Variants in SLC9A9 observed in about 807,000 individuals in gnomAD.
SLC9A9 encodes the protein sodium/hydrogen exchanger 9.
In SLC9A9, 62 loss-of-function variants were observed where a neutral mutation model predicts 77.8. The ratio of observed to expected loss-of-function variants is 0.80; its 90% CI spans 0.65 to 0.98. SLC9A9 has a LOEUF of 0.98. Among genes scored for constraint, SLC9A9 ranks in the 50% least tolerant of loss-of-function variants. SLC9A9 has a pLI of 0.00. For missense variants in SLC9A9, 775 were observed against 774.9 expected, an observed-to-expected ratio of 1.00 and a Z score of 0.00; for synonymous variants, 320 against 283.5, an observed-to-expected ratio of 1.13 and a Z score of -1.29.
intron 4 of SLC9A9, among the ~76,000 whole-genome samples, chr3:143,779,055 T>C (rs1425562460): frequency 6.6e-6 from 1 of 152,232 alleles, no homozygotes; most frequent in Non-Finnish European, 1.5e-5. Flanking sequence ...TTCTGGATCT[T>C]GCTCCGGGAT....
At chr3:143,446,483 G>A (rs748551215) in intron 12 of SLC9A9, among the ~76,000 whole-genome samples, 10 of 152,108 alleles carry the variant, frequency 6.6e-5, no homozygotes, top group African/African-American at 1.4e-4. Context: ...AGGGCACTTC[G>A]GGATGATTGA....
intron 6 of SLC9A9, among the ~76,000 whole-genome samples, chr3:143,609,417 A>G (rs1435577445): frequency 2.0e-5 from 3 of 152,220 alleles, no homozygotes; most frequent in Non-Finnish European, 4.4e-5. Context: ...TTTCAATTAC[A>G]TTTAAAAATT....
At chr3:143,584,810 G>T (rs993183083) in intron 6 of SLC9A9, among the ~76,000 whole-genome samples, 5 of 152,130 alleles carry the variant, frequency 3.3e-5, no homozygotes, top group African/African-American at 1.2e-4. Context: ...AAAACTTAGC[G>T]CAGCCCAACT....
chr3:143,723,591 A>G lies in SLC9A9; in HGVS notation c.534-30284T>C, dbSNP rs76933213. On this transcript the variant is annotated intron_variant, in intron 4 of 15. Coordinates refer to ENST00000316549, the MANE Select transcript of SLC9A9 (RefSeq NM_173653.4). ...ATCGAAAATGTGTATTTTCAATAAC[A>G]TTTTCAGCACCGTCAGAGCACTGAT... is the stretch of plus-strand genomic sequence containing the variant. Among the ~76,000 whole-genome samples the G allele has an allele frequency of 6.4e-3, 971 of 152,318 alleles. 10 individuals carry two copies. The highest frequency in any genetic ancestry group is 0.022 in the African/African-American group (923 of 41,566).
At chr3:143,455,450 A>G (rs2035073903) in intron 12 of SLC9A9, among the ~76,000 whole-genome samples, 2 of 152,208 alleles carry the variant, frequency 1.3e-5, no homozygotes, top group Non-Finnish European at 2.9e-5. Flanking sequence ...TATCTACAAA[A>G]TGTCCTCCTG....
chr3:143,782,687 T>C (rs1413133822), intron 4 of SLC9A9, among the ~76,000 whole-genome samples: 1 of 152,220 alleles, frequency 6.6e-6, no homozygotes, highest in Non-Finnish European at 1.5e-5. Flanking sequence ...TTGTTATTTC[T>C]ACTATCTCTT....
Position 143,631,694 on chromosome 3 carries a change from C to T in SLC9A9, c.755+20561G>A, listed in dbSNP as rs963411830. 4.6e-5 allele frequency among the ~76,000 whole-genome samples: 7 copies of T among 152,034 alleles called. 1 individual carries two copies. The highest frequency in any genetic ancestry group is 1.0e-4 in the Non-Finnish European group (7 of 67,992). On this transcript the variant is annotated intron_variant, in intron 6 of 15. Coordinates refer to ENST00000316549, the MANE Select transcript of SLC9A9 (RefSeq NM_173653.4). ...TGCCTGGGTTAAGGGGAGGGATAGCCGCTTCTTAATGCCAGCTTAATTGTT... is the reference window on the plus strand; with the variant it reads ...TGCCTGGGTTAAGGGGAGGGATAGCTGCTTCTTAATGCCAGCTTAATTGTT...
At chr3:143,539,507 A>C (rs542009838) in intron 9 of SLC9A9, among the ~76,000 whole-genome samples, 1 of 152,382 alleles carries the variant, frequency 6.6e-6, no homozygotes, top group African/African-American at 2.4e-5. Flanking sequence ...TGTTTTCTGC[A>C]TTGCATCAAT....
chr3:143,645,629 T>A (rs2038693446), intron 6 of SLC9A9, among the ~76,000 whole-genome samples: 1 of 152,158 alleles, frequency 6.6e-6, no homozygotes, highest in African/African-American at 2.4e-5. Flanking sequence ...TCAAGATACA[T>A]GGGCGGTAAG....
At chr3:143,466,900 G>A in intron 12 of SLC9A9, 137 bp downstream of exon 12, 1 of 1,069,728 alleles carries the variant, frequency 9.3e-7, no homozygotes, top group South Asian at 1.4e-5. Context: ...TTCACCTTAT[G>A]AGTGAAGGTC....
At position 143,266,795 on chromosome 3, in the gene SLC9A9, C is replaced by T. The variant is rs138140704; in HGVS notation, c.1845G>A (p.Thr615=). ...LGLDQKASPQ[T]PGKENIYEGD... Reference sequence around the variant, plus strand: ...CCTCATAAATGTTTTCCTTGCCTGGCGTCTGGGGTGAAGCTTTCTGGTCCA... The same window carrying T: ...CCTCATAAATGTTTTCCTTGCCTGGTGTCTGGGGTGAAGCTTTCTGGTCCA... Residue 615 remains threonine, a synonymous_variant, in exon 16 of 16, where the codon ACG becomes ACA. Coordinates refer to ENST00000316549, the MANE Select transcript of SLC9A9 (RefSeq NM_173653.4). 9 of 1,614,030 alleles carry T rather than the reference C, an allele frequency of 5.6e-6. No homozygotes were observed. The highest frequency in any genetic ancestry group is 1.7e-5 in the Admixed American group (1 of 59,998).
intron 6 of SLC9A9, among the ~76,000 whole-genome samples, chr3:143,642,683 ATG>A (rs1175988931): frequency 4.6e-5 from 7 of 152,138 alleles, no homozygotes; most frequent in African/African-American, 1.7e-4. Flanking sequence ...ATTTTTATTG[ATG>A]AATTCTGGAT....
intron 14 of SLC9A9, among the ~76,000 whole-genome samples, chr3:143,306,364 T>C (rs1248112781): frequency 6.6e-6 from 1 of 152,240 alleles, no homozygotes; most frequent in Non-Finnish European, 1.5e-5. Context: ...ACCTGTCTGC[T>C]TTCAGTTTTC....
intron 4 of SLC9A9, among the ~76,000 whole-genome samples, chr3:143,719,557 C>T (rs1190561444): frequency 5.3e-5 from 8 of 152,158 alleles, no homozygotes; most frequent in African/African-American, 1.9e-4. Flanking sequence ...TTTTCCCTAA[C>T]AGGGAGATGG....
At chr3:143,755,583 T>C (rs755473482) in intron 4 of SLC9A9, among the ~76,000 whole-genome samples, 5 of 152,198 alleles carry the variant, frequency 3.3e-5, no homozygotes, top group Non-Finnish European at 7.3e-5. Flanking sequence ...TAGATATTTA[T>C]TGTGAGGCTC....
chr3:143,334,052 G>C (rs2031854967), intron 14 of SLC9A9, among the ~76,000 whole-genome samples: 1 of 152,178 alleles, frequency 6.6e-6, no homozygotes, highest in Non-Finnish European at 1.5e-5. Context: ...TTGGTACAAA[G>C]AGCACTGCAC....
chr3:143,817,491 T>C (rs2009052620), intron 2 of SLC9A9, among the ~76,000 whole-genome samples: 1 of 152,202 alleles, frequency 6.6e-6, no homozygotes, highest in African/African-American at 2.4e-5. Flanking sequence ...ATTTTTATAT[T>C]ATTATTTGTG....
At chr3:143,609,377 A>G (rs568450885) in intron 6 of SLC9A9, among the ~76,000 whole-genome samples, 1 of 152,378 alleles carries the variant, frequency 6.6e-6, no homozygotes, top group Admixed American at 6.5e-5. Context: ...TGAATTTTCT[A>G]TAGAATAGGA....
intron 14 of SLC9A9, among the ~76,000 whole-genome samples, chr3:143,329,747 C>T (rs577160869): frequency 2.6e-5 from 4 of 152,220 alleles, no homozygotes; most frequent in African/African-American, 7.2e-5. Flanking sequence ...TCTCCTCTTC[C>T]GAGGCTTGGG....
Sources: gnomAD v4.1 joint callset for allele counts (sites outside exome capture counted in the v4.1 genomes callset) on GRCh38, gnomAD v4.1.1 for gene constraint, MANE v1.5 for transcripts, NCBI Gene and HGNC (gene_info 2026-07-23, HGNC 2026-07-21) for gene names.